NR2E3: variants seen among roughly 807,000 people sequenced by gnomAD.
NR2E3 encodes the protein nuclear receptor subfamily 2 group E member 3, also known as photoreceptor-specific nuclear receptor.
NR2E3 carries 38 observed loss-of-function variants against 37.6 expected under a neutral mutation model. That is an observed-to-expected ratio of 1.01 (90% confidence interval 0.78 to 1.33). The LOEUF is 1.33. Ranked by LOEUF, NR2E3 falls within the 40% of genes most tolerant of loss-of-function variation. NR2E3 has a pLI of 0.00. For missense variants in NR2E3, 562 were observed against 558.7 expected (o/e 1.01, Z -0.06); for synonymous variants, 235 against 225.1 (o/e 1.04, Z -0.39).
In NR2E3 at chr15:71,810,672, A is replaced by C; in HGVS notation, c.-72A>C. 1 of 1,545,648 alleles carries C rather than the reference A, an allele frequency of 6.5e-7. No homozygotes were observed. The highest frequency in any genetic ancestry group is 1.2e-5 in the South Asian group (1 of 82,972). ...GGCACAGAGAGACAGAGGTTCATGG[A>C]CTGAGGCAAAGGCTGGGCCAGGCTC... On this transcript the variant is annotated 5_prime_UTR_variant, in exon 1 of 8. Coordinates refer to ENST00000617575, the MANE Select transcript of NR2E3 (RefSeq NM_014249.4).
At chr15:71,815,668 AT>A (rs1475482896) in intron 7 of NR2E3, among the ~76,000 whole-genome samples, 3 of 152,210 alleles carry the variant, frequency 2.0e-5, no homozygotes, top group African/African-American at 7.2e-5. Flanking sequence ...CCAGCATATT[AT>A]TTCAGTTTTT....
chr15:71,812,213 G>A (rs2054190211), intron 4 of NR2E3, 37 bp downstream of exon 4: 1 of 1,603,442 alleles, frequency 6.2e-7, no homozygotes, highest in Non-Finnish European at 8.5e-7. Context: ...AGCAGGGCTT[G>A]GCTTCCCGGG....
intron 7 of NR2E3, among the ~76,000 whole-genome samples, chr15:71,816,405 C>T (rs949991704): frequency 1.4e-4 from 21 of 151,686 alleles, no homozygotes; most frequent in Non-Finnish European, 2.8e-4. Context: ...GGACTACAGG[C>T]GCCCACCACC....
rs750478440 is a variant in NR2E3, at chr15:71,813,516, G to A, written c.875G>A (p.Arg292Gln). ...EASAAGGAQG[R>Q]LTLASMETRV... ...TCTGCTGCCGGTGGTGCCCAGGGCC[G>A]GCTCACGCTGGCCAGCATGGAGACG... is the stretch of plus-strand genomic sequence containing the variant. Residue 292 changes from arginine (R) to glutamine (Q), a missense_variant, in exon 6 of 8, where the codon CGG (arginine) becomes CAG (glutamine). Physicochemically the swap from Arg to Gln is conservative, Grantham distance 43 (BLOSUM62 1). Transcript: ENST00000617575. The surrounding 1 kb of genome is among the most constrained non-coding windows in gnomAD (Gnocchi z 4.7). The A allele has an allele frequency of 1.1e-5, 17 of 1,613,128 alleles. No individual in the cohort carries two copies. The highest frequency in any genetic ancestry group is 2.2e-5 in the South Asian group (2 of 90,940).
In NR2E3 at chr15:71,810,571, A is replaced by C; in HGVS notation, c.-173A>C. The C allele has an allele frequency of 2.2e-6, 2 of 923,992 alleles. No individual in the cohort carries two copies. The highest frequency in any genetic ancestry group is 3.2e-6 in the Non-Finnish European group (2 of 629,076). The allele number at this position is 923,992 out of a possible 1,614,324, so 57.2% of individuals were successfully genotyped here. ...GCCCCGGGAGAAATCTCCTCAAGCC[A>C]GAGCCTGTGCTGTGAGGGGCTTCGG... On this transcript the variant is annotated 5_prime_UTR_variant, in exon 1 of 8. Transcript: ENST00000617575.
In NR2E3 at chr15:71,811,496, G is replaced by A. The variant is rs759064828; in HGVS notation, c.132G>A (p.Ser44=). 74 of 1,559,704 alleles carry A rather than the reference G, an allele frequency of 4.7e-5. No homozygotes were observed. Among genetic ancestry groups the A allele is most frequent in the Non-Finnish European group, 5.5e-5 (63 of 1,152,644 alleles). The change falls in exon 2 of 8, where the codon TCG becomes TCA. Residue 44 remains serine, a synonymous_variant. Transcript: ENST00000617575. The surrounding 1 kb of genome is among the most constrained non-coding windows in gnomAD (Gnocchi z 5.6). ...CCTGCCCCTCAGGCGTGAGCCCCTC[G>A]CTCCAGTGCCGCGTGTGCGGAGACA... ...LGEDPTGVSP[S]LQCRVCGDSS...
Position 71,812,135 on chromosome 15 carries a change from T to C in NR2E3, c.530T>C (p.Leu177Pro). The stretch of plus-strand genomic sequence containing the variant: ...CTGGGCCACCACTTCATGGCCAGCC[T>C]TATAACAGCTGAAACCTGTGCTAAG... ...RALGHHFMASLITAETCAKLE... is the reference protein window; with the variant it reads ...RALGHHFMASPITAETCAKLE... Residue 177 changes from leucine to proline, a missense_variant, in exon 4 of 8, where the codon CTT becomes CCT. Physicochemically the swap from Leu to Pro is moderately conservative, Grantham distance 98 (BLOSUM62 -3). Transcript: ENST00000617575. 6.4e-7 allele frequency: 1 copy of C among 1,563,814 alleles called. No individual in the cohort carries two copies. The highest frequency in any genetic ancestry group is 8.7e-7 in the Non-Finnish European group (1 of 1,154,564).
At chr15:71,814,268 TGCCA>T in intron 7 of NR2E3, 151 bp downstream of exon 7, 1 of 1,426,964 alleles carries the variant, frequency 7.0e-7, no homozygotes, top group Non-Finnish European at 9.2e-7. Flanking sequence ...CCAGGCACAG[TGCCA>T]GGCCCCGGGA....
In NR2E3 at chr15:71,810,674, T is replaced by C; in HGVS notation, c.-70T>C. On this transcript the variant is annotated 5_prime_UTR_variant, in exon 1 of 8. It removes the in-frame stop codon of an upstream open reading frame in the 5' UTR. Coordinates refer to ENST00000617575, the MANE Select transcript of NR2E3 (RefSeq NM_014249.4). The stretch of plus-strand genomic sequence containing the variant: ...CACAGAGAGACAGAGGTTCATGGAC[T>C]GAGGCAAAGGCTGGGCCAGGCTCAG... 2 of 1,545,908 alleles carry C rather than the reference T, an allele frequency of 1.3e-6. No individual in the cohort carries two copies. The highest frequency in any genetic ancestry group is 1.7e-6 in the Non-Finnish European group (2 of 1,145,014).
chr15:71,813,189 C>G lies in NR2E3; in HGVS notation c.748-200C>G. On this transcript the variant is annotated intron_variant, in intron 5 of 7. Coordinates refer to ENST00000617575, the MANE Select transcript of NR2E3 (RefSeq NM_014249.4). The surrounding 1 kb of genome is among the most constrained non-coding windows in gnomAD (Gnocchi z 4.7). ...TCCCAGCTGCAGCTCTGGATGGAAC[C>G]CAGTGTCTCAGATGATAGGCAGCTG... 6.6e-6 allele frequency among the ~76,000 whole-genome samples: 1 copy of G among 152,212 alleles called. No homozygotes were observed. The highest frequency in any genetic ancestry group is 2.1e-4 in the South Asian group (1 of 4,828).
intron 7 of NR2E3, among the ~76,000 whole-genome samples, chr15:71,816,744 A>G (rs2054229401): frequency 6.6e-6 from 1 of 152,084 alleles, no homozygotes; most frequent in Non-Finnish European, 1.5e-5. Context: ...TAATTATAAT[A>G]CTTATATATG....
Position 71,813,900 on chromosome 15 carries a change from C to G in NR2E3, c.995-112C>G. ...TCCTCTGGGCCTGGCAGAGCCCACC[C>G]CACAGGGCCCCAGGTCCATGTCTGC... On this transcript the variant is annotated intron_variant, in intron 6 of 7. Coordinates refer to ENST00000617575, the MANE Select transcript of NR2E3 (RefSeq NM_014249.4). The surrounding 1 kb of genome is among the most constrained non-coding windows in gnomAD (Gnocchi z 4.7). 6.5e-7 allele frequency: 1 copy of G among 1,536,774 alleles called. No homozygotes were observed. Among genetic ancestry groups the G allele is most frequent in the Non-Finnish European group, 8.7e-7 (1 of 1,144,922 alleles).
rs59789846 is a variant in NR2E3, at chr15:71,816,257, CTTT to C, written c.1101-1276_1101-1274del. On this transcript the variant is annotated intron_variant, in intron 7 of 7. Coordinates refer to ENST00000617575, the MANE Select transcript of NR2E3 (RefSeq NM_014249.4). The stretch of plus-strand genomic sequence containing the variant: ...TTGCGGACTCCTGTCTTAGCAAATA[CTTT>C]TTTTTTTTTTTTTTTTTTGAGACGG... Among the ~76,000 whole-genome samples the C allele has an allele frequency of 7.4e-5, 9 of 121,974 alleles. No individual in the cohort carries two copies. In the South Asian group the frequency reaches 1.1e-3, roughly 15 times the overall value. The allele number at this position is 121,974 out of a possible 152,430, so 80.0% of individuals were successfully genotyped here. A position where few individuals can be genotyped will look rare whatever the true frequency, so the allele number is the denominator to read the frequency against.
At chr15:71,816,934 C>T (rs2054230787) in intron 7 of NR2E3, among the ~76,000 whole-genome samples, 1 of 151,968 alleles carries the variant, frequency 6.6e-6, no homozygotes, top group African/African-American at 2.4e-5. Context: ...TAAAGTCGAA[C>T]CATCTGTATA....
chr15:71,815,026 T>A, intron 7 of NR2E3: 1 of 483,666 alleles, frequency 2.1e-6, no homozygotes, highest in Non-Finnish European at 2.7e-6. Flanking sequence ...CTGAGCATCC[T>A]GTAGAGATGC....
chr15:71,815,007 G>T, intron 7 of NR2E3: 1 of 685,598 alleles, frequency 1.5e-6, no homozygotes, highest in Non-Finnish European at 1.8e-6. Flanking sequence ...AAGGTGTTTT[G>T]TAGGTGCACT....
chr15:71,812,284 C>A (rs2054190933), intron 4 of NR2E3, 52 bp from the exon 5 acceptor site: 1 of 1,612,938 alleles, frequency 6.2e-7, no homozygotes, highest in African/African-American at 1.3e-5. Context: ...CAAGTACTCC[C>A]TGCCACCTCC....
chr15:71,814,648 C>T (rs1272078232), intron 7 of NR2E3: 8 of 975,506 alleles, frequency 8.2e-6, no homozygotes, highest in Non-Finnish European at 9.7e-6. Flanking sequence ...CTTTGAATGC[C>T]AGCCAAAGGC....
chr15:71,812,068 C>T lies in NR2E3; in HGVS notation c.463C>T (p.Arg155Cys), dbSNP rs376858072. The change falls in exon 4 of 8, where the codon CGC (arginine) becomes TGC (cysteine). Residue 155 changes from arginine to cysteine, a missense_variant. Arg to Cys is a radical substitution (Grantham distance 180). Coordinates refer to ENST00000617575, the MANE Select transcript of NR2E3 (RefSeq NM_014249.4). ...SLVAPPAPAGRSPRGPTPMSA... is the reference protein window; with the variant it reads ...SLVAPPAPAGCSPRGPTPMSA... ...GGTGGCTCCCCCGGCCCCGGCAGGG[C>T]GCAGCCCACGGGGCCCCACACCCAT... 42 of 1,552,810 alleles carry T rather than the reference C, an allele frequency of 2.7e-5. No homozygotes were observed. The highest frequency in any genetic ancestry group is 3.5e-5 in the Non-Finnish European group (40 of 1,148,514).
Sources: gnomAD v4.1 joint callset for allele counts (sites outside exome capture counted in the v4.1 genomes callset) on GRCh38, gnomAD v4.1.1 for gene constraint, Gnocchi (gnomAD v3.1) non-coding constraint, MANE v1.5 for transcripts, NCBI Gene and HGNC (gene_info 2026-07-23, HGNC 2026-07-21) for gene names.